Variants in LPP observed in about 807,000 individuals in gnomAD.
LPP encodes the protein lipoma-preferred partner.
Under a neutral mutation model 60.4 loss-of-function variants are expected in LPP, and 38 were observed. That is an observed-to-expected ratio of 0.63 (90% CI 0.49 to 0.83). The LOEUF (loss-of-function observed/expected upper bound fraction) is 0.83. Among genes scored for constraint, LPP ranks in the 40% least tolerant of loss-of-function variants. The probability of loss-of-function intolerance (pLI) is 0.00; values close to 1 mark genes in which losing one functional copy is unlikely to be tolerated. For synonymous variants in LPP, 328 were observed against 290.8 expected, an observed-to-expected ratio of 1.13 and a Z score of -1.30; for missense variants, 902 against 783.6, an observed-to-expected ratio of 1.15 and a Z score of -1.80.
At chr3:188,757,471 C>T (rs1026417591) in intron 8 of LPP, among the ~76,000 whole-genome samples, 7 of 152,184 alleles carry the variant, frequency 4.6e-5, no homozygotes, top group Admixed American at 2.6e-4. Flanking sequence ...CCAGGTATTA[C>T]ACTTCGGGCA....
Position 188,877,030 on chromosome 3 carries a change from CA to C in LPP, c.*2552del. 1 of 174,298 alleles carries C rather than the reference CA, an allele frequency of 5.7e-6. No homozygotes were observed. The highest frequency in any genetic ancestry group is 1.0e-4 in the East Asian group (1 of 9,850). The allele number at this position is 174,298 out of a possible 1,614,324, so 10.8% of individuals were successfully genotyped here. A position where few individuals can be genotyped will look rare whatever the true frequency, so the allele number is the denominator to read the frequency against. ...TTATTCTTTTATAATAATGAATGTG[CA>C]CTCATACATATGTAGAAACATTTAG... On this transcript the variant is annotated 3_prime_UTR_variant, in exon 12 of 12. Coordinates refer to ENST00000617246, the MANE Select transcript of LPP (RefSeq NM_001375462.1).
intron 2 of LPP, among the ~76,000 whole-genome samples, chr3:188,274,484 T>C (rs1164753434): frequency 1.3e-5 from 2 of 152,148 alleles, no homozygotes; most frequent in Non-Finnish European, 2.9e-5. Context: ...GAGAGTGGGA[T>C]TGAATTGGAT....
At chr3:188,807,371 C>T (rs1026803842) in intron 9 of LPP, among the ~76,000 whole-genome samples, 1 of 151,882 alleles carries the variant, frequency 6.6e-6, no homozygotes, top group African/African-American at 2.4e-5. Flanking sequence ...TTGTCAGTCC[C>T]TTAATTTCTT....
At chr3:188,326,808 CCT>C (rs1051888417) in intron 2 of LPP, among the ~76,000 whole-genome samples, 6 of 152,036 alleles carry the variant, frequency 3.9e-5, no homozygotes, top group African/African-American at 1.4e-4. Flanking sequence ...GAGATCCTCC[CCT>C]GTTTCCTGCT....
intron 2 of LPP, among the ~76,000 whole-genome samples, chr3:188,316,390 T>C (rs1442604243): frequency 6.6e-6 from 1 of 152,028 alleles, no homozygotes; most frequent in Admixed American, 6.6e-5. Flanking sequence ...CAGTGTGCTA[T>C]GATCATGCTA....
intron 4 of LPP, among the ~76,000 whole-genome samples, chr3:188,452,326 G>T (rs1796778419): frequency 6.6e-6 from 1 of 152,072 alleles, no homozygotes; most frequent in African/African-American, 2.4e-5. Context: ...TTTAAAAACT[G>T]ATAGCGTGTG....
At chr3:188,396,797 C>T (rs983368681) in intron 3 of LPP, among the ~76,000 whole-genome samples, 1 of 151,880 alleles carries the variant, frequency 6.6e-6, no homozygotes, top group Non-Finnish European at 1.5e-5. Flanking sequence ...GAATCAAGGA[C>T]TTAGAAGAAA....
At chr3:188,760,675 G>C (rs1732005227) in intron 9 of LPP, among the ~76,000 whole-genome samples, 1 of 152,094 alleles carries the variant, frequency 6.6e-6, no homozygotes, top group African/African-American at 2.4e-5. Flanking sequence ...CATTTGAAGT[G>C]CCCAGTAGTT....
At chr3:188,240,505 T>A (rs1577480021) in intron 2 of LPP, among the ~76,000 whole-genome samples, 1 of 152,270 alleles carries the variant, frequency 6.6e-6, no homozygotes, top group East Asian at 1.9e-4. Context: ...CGTACTGAAT[T>A]TGACTGCTTT....
At chr3:188,576,908 T>G (rs1332490542) in intron 6 of LPP, among the ~76,000 whole-genome samples, 1 of 152,184 alleles carries the variant, frequency 6.6e-6, no homozygotes, top group African/African-American at 2.4e-5. Context: ...TGTAAAATAA[T>G]TTGTTTTCAG....
intron 3 of LPP, among the ~76,000 whole-genome samples, chr3:188,382,634 A>G (rs1777200579): frequency 6.6e-6 from 1 of 152,144 alleles, no homozygotes; most frequent in Admixed American, 6.6e-5. Flanking sequence ...ACGCCTTTGG[A>G]CACTTTTCTT....
Position 188,796,381 on chromosome 3 carries a change from T to C in LPP, c.1410+36099T>C, listed in dbSNP as rs576075553. 2.0e-5 allele frequency among the ~76,000 whole-genome samples: 3 copies of C among 152,254 alleles called. No individual in the cohort carries two copies. The East Asian group carries it at 5.8e-4, about 29-fold the overall frequency. Reference sequence around the variant, plus strand: ...GAAGGACTTAGGCCTTGCTAAGCATTTTGGCCTTTTTCCCAAAAGTACAGG... The same window carrying C: ...GAAGGACTTAGGCCTTGCTAAGCATCTTGGCCTTTTTCCCAAAAGTACAGG... On this transcript the variant is annotated intron_variant, in intron 9 of 11. Transcript: ENST00000617246.
At chr3:188,732,716 CAAAAAAA>C (rs1167795146) in intron 8 of LPP, among the ~76,000 whole-genome samples, 47 of 74,318 alleles carry the variant, frequency 6.3e-4, no homozygotes, top group Non-Finnish European at 7.4e-4. Context: ...AGACTCTTAT[CAAAAAAA>C]AAAAAAAAAA....
At chr3:188,804,284 A>ATATATATATATAT (rs1367742182) in intron 9 of LPP, among the ~76,000 whole-genome samples, 3 of 39,878 alleles carry the variant, frequency 7.5e-5, no homozygotes, top group Non-Finnish European at 1.4e-4. Flanking sequence ...TATATATATA[A>ATATATATATATAT]AATGGAATAC....
intron 2 of LPP, among the ~76,000 whole-genome samples, chr3:188,333,438 C>A (rs1161174039): frequency 6.6e-6 from 1 of 152,180 alleles, no homozygotes; most frequent in African/African-American, 2.4e-5. Context: ...GGAACAGTAT[C>A]AGTTTTGCCT....
intron 9 of LPP, among the ~76,000 whole-genome samples, chr3:188,818,291 G>A (rs565968097): frequency 8.5e-5 from 13 of 152,256 alleles, no homozygotes; most frequent in African/African-American, 2.6e-4. Flanking sequence ...TATAATAGGT[G>A]TAATCTGTCA....
At chr3:188,731,301 C>T (rs1472950494) in intron 8 of LPP, among the ~76,000 whole-genome samples, 1 of 152,084 alleles carries the variant, frequency 6.6e-6, no homozygotes, top group Non-Finnish European at 1.5e-5. Context: ...AGATTTCACT[C>T]CACCTTTTTT....
intron 2 of LPP, among the ~76,000 whole-genome samples, chr3:188,339,830 A>T (rs1762576807): frequency 6.6e-6 from 1 of 152,220 alleles, no homozygotes; most frequent in Admixed American, 6.5e-5. Flanking sequence ...GTGCTTCGAC[A>T]CTTTGCCCAG....
chr3:188,694,035 G>A (rs1402865721), intron 7 of LPP, among the ~76,000 whole-genome samples: 1 of 152,090 alleles, frequency 6.6e-6, no homozygotes, highest in Non-Finnish European at 1.5e-5. Flanking sequence ...ACTACTAAAT[G>A]GTCTCCAGTG....
Sources: gnomAD v4.1 joint callset for allele counts (sites outside exome capture counted in the v4.1 genomes callset) on GRCh38, gnomAD v4.1.1 for gene constraint, MANE v1.5 for transcripts, NCBI Gene and HGNC (gene_info 2026-07-23, HGNC 2026-07-21) for gene names.